The following CYS1 variants were observed in gnomAD, a reference collection of about 807,000 sequenced individuals.
CYS1 encodes cystin-1.
CYS1 carries 5 observed loss-of-function variants against 9.6 expected under a neutral mutation model. The ratio of observed to expected loss-of-function variants is 0.52; its 90% CI spans 0.27 to 1.10. The LOEUF (loss-of-function observed/expected upper bound fraction) is 1.10. CYS1 is among the 50% of genes least tolerant of loss of function. The pLI, the probability that CYS1 is intolerant of heterozygous loss-of-function variation, is 0.11. For synonymous variants in CYS1, 88 were observed against 95.7 expected (o/e 0.92, Z 0.47); for missense variants, 221 against 207.9 (o/e 1.06, Z -0.39).
chr2:10,066,729 G>A (rs552399490), intron 1 of CYS1, among the ~76,000 whole-genome samples: 27 of 152,166 alleles, frequency 1.8e-4, no homozygotes, highest in African/African-American at 2.4e-4. Flanking sequence ...ATGGGGTTAC[G>A]GCCCGAAGAA....
intron 1 of CYS1, among the ~76,000 whole-genome samples, chr2:10,069,593 T>C (rs1255746143): frequency 1.3e-5 from 2 of 152,132 alleles, no homozygotes; most frequent in African/African-American, 4.8e-5. Flanking sequence ...GGTCTCGATC[T>C]CTTGACCTCA....
At chr2:10,073,388 T>C (rs2125291275) in intron 1 of CYS1, among the ~76,000 whole-genome samples, 1 of 152,276 alleles carries the variant, frequency 6.6e-6, no homozygotes, top group East Asian at 1.9e-4. Flanking sequence ...TGGATTGCGG[T>C]TGGCCTGACC....
At chr2:10,075,646 T>G (rs1661832515) in intron 1 of CYS1, among the ~76,000 whole-genome samples, 1 of 152,128 alleles carries the variant, frequency 6.6e-6, no homozygotes, top group Admixed American at 6.6e-5. Context: ...ATGCCAAGAT[T>G]ACTGTAAAGT....
At position 10,076,228 on chromosome 2, in the gene CYS1, T is replaced by C. The variant is rs1420456004; in HGVS notation, c.318+3678A>G. Among the ~76,000 whole-genome samples, 1 of 152,126 alleles carries C rather than the reference T, an allele frequency of 6.6e-6. No homozygotes were observed. Among genetic ancestry groups the C allele is most frequent in the Non-Finnish European group, 1.5e-5 (1 of 68,016 alleles). The stretch of plus-strand genomic sequence containing the variant: ...AAATACTGAATCTATGTCTACTTGA[T>C]TAAACCAAAATTTCTTCTCCAAGGG... On this transcript the variant is annotated intron_variant, in intron 1 of 2. Coordinates refer to ENST00000381813, the MANE Select transcript of CYS1 (RefSeq NM_001037160.3). The surrounding 1 kb of genome is among the most constrained non-coding windows in gnomAD (Gnocchi z 4.3).
At position 10,063,157 on chromosome 2, in the gene CYS1, C is replaced by T. The variant is rs6737737; in HGVS notation, c.371+2747G>A. Among the ~76,000 whole-genome samples the T allele has an allele frequency of 0.38, 57,174 of 152,076 alleles. 11,137 individuals carry two copies. Among genetic ancestry groups the T allele is most frequent in the East Asian group, 0.58 (2,984 of 5,160 alleles). On this transcript the variant is annotated intron_variant, in intron 2 of 2. Transcript: ENST00000381813. This position sits in a 1 kb window ranked among gnomAD's most constrained non-coding sequence, Gnocchi z 4.2. Reference sequence around the variant, plus strand: ...GACATTAAACAATCCTGTCAATAAGCGTCTATGAAATGCTACCATGTGCCT... The same window carrying T: ...GACATTAAACAATCCTGTCAATAAGTGTCTATGAAATGCTACCATGTGCCT...
At position 10,057,226 on chromosome 2, in the gene CYS1, A is replaced by G. The variant is rs888844567; in HGVS notation, c.*1627T>C. 1.3e-5 allele frequency: 2 copies of G among 152,284 alleles called. No individual in the cohort carries two copies. Among genetic ancestry groups the G allele is most frequent in the African/African-American group, 4.8e-5 (2 of 41,482 alleles). The allele number at this position is 152,284 out of a possible 1,614,324, so 9.4% of individuals were successfully genotyped here. On this transcript the variant is annotated 3_prime_UTR_variant, in exon 3 of 3. Coordinates refer to ENST00000381813, the MANE Select transcript of CYS1 (RefSeq NM_001037160.3). ...GTATTTGCATTATTAAAATATAGTA[A>G]CGACTTCCATCTTTACATCAAAAGA...
At chr2:10,067,943 T>C (rs2125289469) in intron 1 of CYS1, among the ~76,000 whole-genome samples, 1 of 152,316 alleles carries the variant, frequency 6.6e-6, no homozygotes, top group East Asian at 1.9e-4. Flanking sequence ...TCTATCTTAA[T>C]CCTTTATTGA....
At chr2:10,062,787 G>A (rs997168530) in intron 2 of CYS1, among the ~76,000 whole-genome samples, 20 of 152,246 alleles carry the variant, frequency 1.3e-4, no homozygotes, top group African/African-American at 4.8e-4. Context: ...AGGAAAATGG[G>A]GAGGAGTAAC....
intron 2 of CYS1, among the ~76,000 whole-genome samples, 162 bp downstream of exon 2, chr2:10,065,742 G>T (rs1661686430): frequency 1.3e-5 from 2 of 152,222 alleles, no homozygotes; most frequent in Non-Finnish European, 2.9e-5. Context: ...TCCTTGGCAG[G>T]ACCTTCCCTT....
At chr2:10,059,057 G>A in intron 2 of CYS1, 99 bp from the exon 3 acceptor site, 2 of 1,155,302 alleles carry the variant, frequency 1.7e-6, no homozygotes, top group Non-Finnish European at 2.5e-6. Context: ...GGCCCATCCT[G>A]AAACCCAAAC....
chr2:10,077,755 C>T (rs1661875190), intron 1 of CYS1, among the ~76,000 whole-genome samples: 1 of 152,244 alleles, frequency 6.6e-6, no homozygotes, highest in East Asian at 1.9e-4. Context: ...GGCTCCCTTC[C>T]GCCTCGAATA....
chr2:10,069,390 G>A (rs1040276243), intron 1 of CYS1, among the ~76,000 whole-genome samples: 4 of 151,858 alleles, frequency 2.6e-5, no homozygotes, highest in Admixed American at 6.6e-5. Context: ...TGTTTTTTGC[G>A]ACGGAATCTT....
At position 10,080,276 on chromosome 2, in the gene CYS1, G is replaced by A; in HGVS notation, c.-53C>T. On this transcript the variant is annotated 5_prime_UTR_variant, in exon 1 of 3. Transcript: ENST00000381813. This position sits in a 1 kb window ranked among gnomAD's most constrained non-coding sequence, Gnocchi z 6.4. ...GAGGGGGCCCCCATGAGGGGGCGCG[G>A]CCGGGGGCGGGGACGCTAGGGGGTG... 1.0e-6 allele frequency: 1 copy of A among 1,001,456 alleles called. No homozygotes were observed. Among genetic ancestry groups the A allele is most frequent in the Non-Finnish European group, 1.2e-6 (1 of 837,738 alleles). 62.0% of individuals were successfully genotyped at this position (1,001,456 alleles called of 1,614,324 possible).
At position 10,056,839 on chromosome 2, in the gene CYS1, T is replaced by C. The variant is rs1661557404; in HGVS notation, c.*2014A>G. On this transcript the variant is annotated 3_prime_UTR_variant, in exon 3 of 3. Transcript: ENST00000381813. ...TATTATTTTTAAGTTCACCTACAGC[T>C]GCAGTACACACACACCGCTTTATTT... 2 of 152,258 alleles carry C rather than the reference T, an allele frequency of 1.3e-5. No homozygotes were observed. Among genetic ancestry groups the C allele is most frequent in the African/African-American group, 4.8e-5 (2 of 41,474 alleles). 9.4% of individuals were successfully genotyped at this position (152,258 alleles called of 1,614,324 possible).
intron 1 of CYS1, 42 bp downstream of exon 1, chr2:10,079,864 G>C: frequency 9.3e-7 from 1 of 1,073,648 alleles, no homozygotes. Context: ...CGGTGAGTGG[G>C]GTCCCCGCCG....
In CYS1 at chr2:10,078,421, T is replaced by G. The variant is rs146818681; in HGVS notation, c.318+1485A>C. 7.4e-3 allele frequency among the ~76,000 whole-genome samples: 1,129 copies of G among 152,196 alleles called. 10 individuals are homozygous for G. The highest frequency in any genetic ancestry group is 0.012 in the Non-Finnish European group (821 of 68,010). ...CCAGAACTTTCATAGTAACCCAAAC[T>G]CGCTAACATGGAATACCCTTGGCAT... On this transcript the variant is annotated intron_variant, in intron 1 of 2. Transcript: ENST00000381813.
chr2:10,059,217 G>A (rs956300897), intron 2 of CYS1, among the ~76,000 whole-genome samples: 1 of 152,280 alleles, frequency 6.6e-6, no homozygotes, highest in African/African-American at 2.4e-5. Flanking sequence ...GACGGGCTCT[G>A]GGGTGGGAAG....
rs746663693 is a variant in CYS1, at chr2:10,065,951, G to A, written c.324C>T (p.Cys108=). The change falls in exon 2 of 3, where the codon TGC becomes TGT. Residue 108 remains cysteine, a synonymous_variant. Coordinates refer to ENST00000381813, the MANE Select transcript of CYS1 (RefSeq NM_001037160.3). ...GGTGGCCCTCTGTGCTCTGCTCTGCGCACACCTTGAGAAAGATGAAATGAA... is the reference window on the plus strand; with the variant it reads ...GGTGGCCCTCTGTGCTCTGCTCTGCACACACCTTGAGAAAGATGAAATGAA... ...RPTAVAGSAV[C]AEQSTEGHPG... The A allele has an allele frequency of 5.1e-5, 83 of 1,614,034 alleles. No individual in the cohort carries two copies. The highest frequency in any genetic ancestry group is 6.7e-5 in the East Asian group (3 of 44,898).
Position 10,058,620 on chromosome 2 carries a change from A to T in CYS1, c.*233T>A. 2.4e-6 allele frequency: 1 copy of T among 424,940 alleles called. No individual in the cohort carries two copies. Among genetic ancestry groups the T allele is most frequent in the Non-Finnish European group, 4.2e-6 (1 of 235,902 alleles). 26.3% of individuals were successfully genotyped at this position (424,940 alleles called of 1,614,324 possible). A position where few individuals can be genotyped will look rare whatever the true frequency, so the allele number is the denominator to read the frequency against. On this transcript the variant is annotated 3_prime_UTR_variant, in exon 3 of 3. Coordinates refer to ENST00000381813, the MANE Select transcript of CYS1 (RefSeq NM_001037160.3). ...GTTGGGGAGGAGGCGCCGGCGGCCC[A>T]GGCCCACGCACCTGTGGGTCTACAC...
Sources: allele counts gnomAD v4.1 joint callset (sites outside exome capture counted in the v4.1 genomes callset), GRCh38; gene constraint gnomAD v4.1.1; non-coding constraint Gnocchi (gnomAD v3.1); transcripts MANE v1.5; gene names NCBI Gene and HGNC (gene_info 2026-07-23, HGNC 2026-07-21).